The following PPAN variants were observed in gnomAD, a reference collection of about 807,000 sequenced individuals.
PPAN encodes the protein suppressor of SWI4 1 homolog.
Under a neutral mutation model 48.5 loss-of-function variants are expected in PPAN, and 39 were observed. The observed-to-expected ratio is 0.80, with a 90% CI of 0.62 to 1.05. The LOEUF (loss-of-function observed/expected upper bound fraction) is 1.05, where lower values mean the gene tolerates loss of function less well. PPAN is among the 50% of genes least tolerant of loss of function. The pLI is 0.00. For missense variants in PPAN, 736 were observed against 661.7 expected, an observed-to-expected ratio of 1.11 and a Z score of -1.23; for synonymous variants, 315 against 268.6, an observed-to-expected ratio of 1.17 and a Z score of -1.69.
intron 2 of PPAN, among the ~76,000 whole-genome samples, chr19:10,107,201 G>T (rs1000836315): frequency 1.3e-4 from 20 of 152,092 alleles, no homozygotes; most frequent in Non-Finnish European, 1.6e-4. Context: ...AAAAAGACTA[G>T]AATCTGGAGG....
chr19:10,109,919 C>T lies in PPAN; in HGVS notation c.597C>T (p.Ile199=), dbSNP rs1461188666. 4 of 1,614,030 alleles carry T rather than the reference C, an allele frequency of 2.5e-6. No individual in the cohort carries two copies. Among genetic ancestry groups the T allele is most frequent in the Admixed American group, 3.3e-5 (2 of 60,030 alleles). ...TCCACTCATGTTCCTGCAGTAGCAT[C>T]AAAGTTGTTCCTGTGGGCGCGAGTC... ...SQELDFRHYS[I]KVVPVGASRG... Residue 199 remains isoleucine (I), a synonymous_variant, in exon 7 of 12, where the codon ATC becomes ATT. Transcript: ENST00000253107.
Position 10,111,511 on chromosome 19 carries a change from C to G in PPAN, c.*346C>G, listed in dbSNP as rs1237401261. 5 of 646,624 alleles carry G rather than the reference C, an allele frequency of 7.7e-6. No individual in the cohort carries two copies. The highest frequency in any genetic ancestry group is 1.3e-5 in the Non-Finnish European group (5 of 372,546). 40.1% of individuals were successfully genotyped at this position (646,624 alleles called of 1,614,324 possible). A position where few individuals can be genotyped will look rare whatever the true frequency, so the allele number is the denominator to read the frequency against. ...CCCACCAAAGAGCCGTGCAAGCAGA[C>G]AGGTCACACTTTCAGCAGATGAGCT... On this transcript the variant is annotated 3_prime_UTR_variant, in exon 12 of 12. Transcript: ENST00000253107.
Position 10,106,618 on chromosome 19 carries a change from C to G in PPAN, c.136C>G (p.Leu46Val), listed in dbSNP as rs1429193614. ...CTGCACGGGTCGCAACATCCGGCAG[C>G]TCAGCCTGGACGTGCGGCGGGTCAT... is the stretch of plus-strand genomic sequence containing the variant. ...RGCTGRNIRQLSLDVRRVMEP... is the reference protein window; with the variant it reads ...RGCTGRNIRQVSLDVRRVMEP... Residue 46 changes from leucine (L) to valine (V), a missense_variant, in exon 2 of 12, where the codon CTC becomes GTC. Physicochemically the swap from Leu to Val is conservative, Grantham distance 32. Coordinates refer to ENST00000253107, the MANE Select transcript of PPAN (RefSeq NM_020230.7). 1 of 1,551,166 alleles carries G rather than the reference C, an allele frequency of 6.4e-7. No homozygotes were observed. The highest frequency in any genetic ancestry group is 2.4e-5 in the East Asian group (1 of 41,798).
Position 10,106,633 on chromosome 19 carries a change from C to A in PPAN, c.151C>A (p.Arg51=). The change falls in exon 2 of 12, where the codon CGG becomes AGG. Residue 51 remains arginine (R), a synonymous_variant. Coordinates refer to ENST00000253107, the MANE Select transcript of PPAN (RefSeq NM_020230.7). ...RNIRQLSLDV[R]RVMEPLTASR... Reference sequence around the variant, plus strand: ...CATCCGGCAGCTCAGCCTGGACGTGCGGCGGGTCATGGAGCCGCTCACTGC... The same window carrying A: ...CATCCGGCAGCTCAGCCTGGACGTGAGGCGGGTCATGGAGCCGCTCACTGC... 6.5e-7 allele frequency: 1 copy of A among 1,547,880 alleles called. No homozygotes were observed. Among genetic ancestry groups the A allele is most frequent in the Non-Finnish European group, 8.7e-7 (1 of 1,146,544 alleles).
At chr19:10,106,889 T>A in intron 2 of PPAN, 2 of 774,460 alleles carry the variant, frequency 2.6e-6, no homozygotes, top group Non-Finnish European at 4.1e-6. Flanking sequence ...GCCTGACAGT[T>A]AAGACTGGAA....
intron 2 of PPAN, among the ~76,000 whole-genome samples, chr19:10,107,288 C>T (rs970739723): frequency 6.6e-6 from 1 of 152,188 alleles, no homozygotes; most frequent in African/African-American, 2.4e-5. Context: ...CCTGAGTTCG[C>T]TCATTTGTCA....
In PPAN at chr19:10,108,017, G is replaced by A. The variant is rs1429255237; in HGVS notation, c.396G>A (p.Glu132=). Residue 132 remains glutamate, a synonymous_variant, in exon 5 of 12, where the codon GAG becomes GAA. Transcript: ENST00000253107. ...VSSLRRHRMH[E]QQFAHPPLLV... is the part of the protein sequence containing the mutation. ...CACTGCGCCGGCACCGCATGCACGAGCAGCAGTTTGCCCACCCACCCCTCC... is the reference window on the plus strand; with the variant it reads ...CACTGCGCCGGCACCGCATGCACGAACAGCAGTTTGCCCACCCACCCCTCC... The A allele has an allele frequency of 6.2e-7, 1 of 1,613,600 alleles. No homozygotes were observed. The highest frequency in any genetic ancestry group is 1.7e-5 in the Admixed American group (1 of 59,916).
At chr19:10,106,867 A>G (rs976028934) in intron 2 of PPAN, 196 bp downstream of exon 2, 8 of 880,690 alleles carry the variant, frequency 9.1e-6, no homozygotes, top group Non-Finnish European at 1.0e-5. Context: ...TGGGAGATAG[A>G]TAGTCGCCTA....
rs1171287215 is a variant in PPAN, at chr19:10,110,769, A to G, written c.1104A>G (p.Ser368=). 3.7e-6 allele frequency: 6 copies of G among 1,613,954 alleles called. No homozygotes were observed. The highest frequency in any genetic ancestry group is 5.1e-6 in the Non-Finnish European group (6 of 1,179,984). Residue 368 remains serine, a synonymous_variant, in exon 11 of 12, where the codon TCA becomes TCG. Transcript: ENST00000253107. This position sits in a 1 kb window ranked among gnomAD's most constrained non-coding sequence, Gnocchi z 5.9. The part of the protein sequence containing the change: ...GSDEEASGIP[S]RTASLELGED... ...ATGAAGAGGCCTCTGGGATCCCTTC[A>G]AGGACGGCGAGCCTGGAGTTGGGTG...
rs2089080747 is a variant in PPAN at position 10,111,634 on chromosome 19, C to G, written c.*469C>G. The stretch of plus-strand genomic sequence containing the variant: ...GCTGGGCCAGTAACTGGGGATGGGG[C>G]TGGGGCAGGGCCCACTAAGCCACTG... On this transcript the variant is annotated 3_prime_UTR_variant, in exon 12 of 12. Transcript: ENST00000253107. The G allele has an allele frequency of 2.6e-6, 4 of 1,549,050 alleles. No homozygotes were observed. Among genetic ancestry groups the G allele is most frequent in the East Asian group, 2.2e-5 (1 of 44,510 alleles).
At chr19:10,107,457 C>A in intron 2 of PPAN, 48 bp from the exon 3 acceptor site, 1 of 1,594,184 alleles carries the variant, frequency 6.3e-7, no homozygotes, top group South Asian at 1.1e-5. Flanking sequence ...ATAGTTGTCA[C>A]AACAAGGGAT....
At position 10,109,612 on chromosome 19, in the gene PPAN, T is replaced by TA; in HGVS notation, c.514-19_514-18insA. ...TTGCCATGAGTCTACTGGACTATGC[T>TA]CTCTTCCTCCCCTTCCAGGTGAACC... is the stretch of plus-strand genomic sequence containing the variant. On this transcript the variant is annotated intron_variant, in intron 5 of 11. Transcript: ENST00000253107. 3 of 1,609,424 alleles carry TA rather than the reference T, an allele frequency of 1.9e-6. No individual in the cohort carries two copies. The highest frequency in any genetic ancestry group is 2.5e-6 in the Non-Finnish European group (3 of 1,177,632).
rs1390624980 is a variant in PPAN, at chr19:10,111,907, C to T, written c.*742C>T. On this transcript the variant is annotated 3_prime_UTR_variant, in exon 12 of 12. Transcript: ENST00000253107. ...GGGGTGGAACACGAGGTCAGGGGTTCGAGACCACCCTGACCAACAAGGAGA... is the reference window on the plus strand; with the variant it reads ...GGGGTGGAACACGAGGTCAGGGGTTTGAGACCACCCTGACCAACAAGGAGA... Among the ~76,000 whole-genome samples the T allele has an allele frequency of 2.0e-5, 3 of 151,798 alleles. No homozygotes were observed. Among genetic ancestry groups the T allele is most frequent in the South Asian group, 2.1e-4 (1 of 4,818 alleles).
intron 5 of PPAN, among the ~76,000 whole-genome samples, chr19:10,108,928 C>A (rs1012341855): frequency 6.6e-6 from 1 of 151,010 alleles, no homozygotes; most frequent in Non-Finnish European, 1.5e-5. Context: ...ATCAGGGAGG[C>A]TAATACGGCT....
At position 10,109,905 on chromosome 19, in the gene PPAN, TC is replaced by T; in HGVS notation, c.591-6del. On this transcript the variant is annotated splice_polypyrimidine_tract_variant and splice_region_variant and intron_variant, in intron 6 of 11. Coordinates refer to ENST00000253107, the MANE Select transcript of PPAN (RefSeq NM_020230.7). Reference sequence around the variant, plus strand: ...CCACCCCCTTGCCGTCCACTCATGTTCCTGCAGTAGCATCAAAGTTGTTCCT... The same window carrying T: ...CCACCCCCTTGCCGTCCACTCATGTTCTGCAGTAGCATCAAAGTTGTTCCT... 6.2e-7 allele frequency: 1 copy of T among 1,613,888 alleles called. No individual in the cohort carries two copies. Among genetic ancestry groups the T allele is most frequent in the South Asian group, 1.1e-5 (1 of 91,076 alleles).
At position 10,107,793 on chromosome 19, in the gene PPAN, T is replaced by G; in HGVS notation, c.292-11T>G. The G allele has an allele frequency of 6.2e-7, 1 of 1,613,688 alleles. No individual in the cohort carries two copies. The highest frequency in any genetic ancestry group is 8.5e-7 in the Non-Finnish European group (1 of 1,179,634). On this transcript the variant is annotated splice_polypyrimidine_tract_variant and intron_variant, in intron 3 of 11. Transcript: ENST00000253107. ...CCCCTCCAGAGTCACTGATCTTTTC[T>G]TCTCCTGCAGAAGCTGATGCGCCTC...
chr19:10,109,221 A>C, intron 5 of PPAN, among the ~76,000 whole-genome samples: 1 of 151,714 alleles, frequency 6.6e-6, no homozygotes, highest in South Asian at 2.1e-4. Context: ...GGCCTCCCAA[A>C]GTGCTGGGAT....
chr19:10,108,778 G>A (rs1451177991), intron 5 of PPAN, among the ~76,000 whole-genome samples: 1 of 151,142 alleles, frequency 6.6e-6, no homozygotes, highest in African/African-American at 2.4e-5. Context: ...GCAAATCTGA[G>A]GCTGGCAGAG....
In PPAN at chr19:10,110,602, G is replaced by T; in HGVS notation, c.1019G>T (p.Arg340Leu). The T allele has an allele frequency of 6.2e-7, 1 of 1,604,356 alleles. No individual in the cohort carries two copies. ...AATGTGCAGCGCAAGCAGGAGCAGC[G>T]GGAGGCCCACAGGTCCAGGCAGAGC... Reference protein sequence around the residue: ...AQNVQRKQEQREAHRKKSLEG... With the variant: ...AQNVQRKQEQLEAHRKKSLEG... The change falls in exon 10 of 12, where the codon CGG becomes CTG. Residue 340 changes from arginine (R) to leucine (L), a missense_variant. Physicochemically the swap from Arg to Leu is moderately radical, Grantham distance 102. Coordinates refer to ENST00000253107, the MANE Select transcript of PPAN (RefSeq NM_020230.7). This position sits in a 1 kb window ranked among gnomAD's most constrained non-coding sequence, Gnocchi z 5.9.
Sources: gnomAD v4.1 joint callset for allele counts (sites outside exome capture counted in the v4.1 genomes callset) on GRCh38, gnomAD v4.1.1 for gene constraint, Gnocchi (gnomAD v3.1) non-coding constraint, MANE v1.5 for transcripts, NCBI Gene and HGNC (gene_info 2026-07-23, HGNC 2026-07-21) for gene names.